The following RNF144B variants were observed in gnomAD, a reference collection of about 807,000 sequenced individuals.
RNF144B encodes the protein ring finger protein 144B, also known as E3 ubiquitin-protein ligase RNF144B.
Under a neutral mutation model 40.2 loss-of-function variants are expected in RNF144B, and 25 were observed. The ratio of observed to expected loss-of-function variants is 0.62; its 90% CI spans 0.45 to 0.87. RNF144B has a LOEUF of 0.87. Among genes scored for constraint, RNF144B ranks in the 40% least tolerant of loss-of-function variants. The pLI, the probability that RNF144B is intolerant of heterozygous loss-of-function variation, is 0.00. For synonymous variants in RNF144B, 145 were observed against 136.3 expected, an observed-to-expected ratio of 1.06 and a Z score of -0.44; for missense variants, 365 against 373.7, an observed-to-expected ratio of 0.98 and a Z score of 0.19.
rs1794675329 is a variant in RNF144B at position 18,395,538 on chromosome 6, T to G, written c.-36-3961T>G. Among the ~76,000 whole-genome samples, 1 of 152,202 alleles carries G rather than the reference T, an allele frequency of 6.6e-6. No individual in the cohort carries two copies. Among genetic ancestry groups the G allele is most frequent in the Non-Finnish European group, 1.5e-5 (1 of 68,036 alleles). On this transcript the variant is annotated intron_variant, in intron 1 of 7. Coordinates refer to ENST00000259939, the MANE Select transcript of RNF144B (RefSeq NM_182757.4). The surrounding 1 kb of genome is among the most constrained non-coding windows in gnomAD (Gnocchi z 4.5). ...TGTTTACTGATTGAAGAGCTCATTTTGCAATGAATCAATGGTGAAAGGATT... is the reference window on the plus strand; with the variant it reads ...TGTTTACTGATTGAAGAGCTCATTTGGCAATGAATCAATGGTGAAAGGATT...
At chr6:18,463,802 C>G (rs1759519761) in intron 7 of RNF144B, among the ~76,000 whole-genome samples, 1 of 152,186 alleles carries the variant, frequency 6.6e-6, no homozygotes, top group Non-Finnish European at 1.5e-5. Context: ...AATGGACTGA[C>G]AATTCCACAT....
chr6:18,397,493 A>C (rs573882075), intron 1 of RNF144B, among the ~76,000 whole-genome samples: 1 of 152,364 alleles, frequency 6.6e-6, no homozygotes, highest in Non-Finnish European at 1.5e-5. Flanking sequence ...TGTGATATAA[A>C]ATATGAATAT....
chr6:18,467,538 C>T lies in RNF144B; in HGVS notation c.*2471C>T, dbSNP rs1759598854. The T allele has an allele frequency of 6.7e-6, 1 of 149,826 alleles. No individual in the cohort carries two copies. Among genetic ancestry groups the T allele is most frequent in the African/African-American group, 2.5e-5 (1 of 40,608 alleles). The allele number at this position is 149,826 out of a possible 1,614,324, so 9.3% of individuals were successfully genotyped here. A position where few individuals can be genotyped will look rare whatever the true frequency, so the allele number is the denominator to read the frequency against. On this transcript the variant is annotated 3_prime_UTR_variant, in exon 8 of 8. Coordinates refer to ENST00000259939, the MANE Select transcript of RNF144B (RefSeq NM_182757.4). ...AATTCTTAAATGTGTGTGAGATTGT[C>T]AGAATCAACAAAACTAGGTTGGTTA...
At position 18,457,660 on chromosome 6, in the gene RNF144B, C is replaced by A. The variant is rs578433; in HGVS notation, c.536+301C>A. 0.96 allele frequency among the ~76,000 whole-genome samples: 146,886 copies of A among 152,238 alleles called. 71,092 individuals are homozygous for A. The highest frequency in any genetic ancestry group is 1 in the East Asian group (5,160 of 5,160). On this transcript the variant is annotated intron_variant, in intron 5 of 7. Coordinates refer to ENST00000259939, the MANE Select transcript of RNF144B (RefSeq NM_182757.4). The surrounding 1 kb of genome is among the most constrained non-coding windows in gnomAD (Gnocchi z 5.1). The stretch of plus-strand genomic sequence containing the variant: ...TCAGTAGGAAATCATGACTTGTTCC[C>A]GCTCTTTGCTCAGATACAGTATCTG...
Position 18,458,557 on chromosome 6 carries a change from C to T in RNF144B, c.537-1050C>T, listed in dbSNP as rs928795226. Reference sequence around the variant, plus strand: ...GTTGCCTACATTTTCGTGGCCATAGCAGGAAGCTCCGTGGGTATCACAGGG... The same window carrying T: ...GTTGCCTACATTTTCGTGGCCATAGTAGGAAGCTCCGTGGGTATCACAGGG... On this transcript the variant is annotated intron_variant, in intron 5 of 7. Transcript: ENST00000259939. This position sits in a 1 kb window ranked among gnomAD's most constrained non-coding sequence, Gnocchi z 4.8. Among the ~76,000 whole-genome samples the T allele has an allele frequency of 6.6e-6, 1 of 152,122 alleles. No homozygotes were observed. The highest frequency in any genetic ancestry group is 1.5e-5 in the Non-Finnish European group (1 of 68,026).
At chr6:18,389,497 G>A (rs997545398) in intron 1 of RNF144B, among the ~76,000 whole-genome samples, 1 of 152,174 alleles carries the variant, frequency 6.6e-6, no homozygotes, top group Non-Finnish European at 1.5e-5. Context: ...CAATATTTTA[G>A]ACGTTTAGAA....
chr6:18,457,091 G>T lies in RNF144B; in HGVS notation c.332-64G>T. 8.2e-7 allele frequency: 1 copy of T among 1,217,120 alleles called. No homozygotes were observed. Among genetic ancestry groups the T allele is most frequent in the Non-Finnish European group, 1.2e-6 (1 of 819,506 alleles). 75.4% of individuals were successfully genotyped at this position (1,217,120 alleles called of 1,614,324 possible). ...AAATTAAATAAATAAGAGGGCAAAT[G>T]AAGGTGAGAAAGACTCAAACATGAA... On this transcript the variant is annotated intron_variant, in intron 4 of 7. Transcript: ENST00000259939. This position sits in a 1 kb window ranked among gnomAD's most constrained non-coding sequence, Gnocchi z 5.1.
In RNF144B at chr6:18,464,718, A is replaced by G. The variant is rs1397292245; in HGVS notation, c.772-209A>G. 6.6e-6 allele frequency among the ~76,000 whole-genome samples: 1 copy of G among 152,186 alleles called. No individual in the cohort carries two copies. The highest frequency in any genetic ancestry group is 2.4e-5 in the African/African-American group (1 of 41,446). On this transcript the variant is annotated intron_variant, in intron 7 of 7. Coordinates refer to ENST00000259939, the MANE Select transcript of RNF144B (RefSeq NM_182757.4). The surrounding 1 kb of genome is among the most constrained non-coding windows in gnomAD (Gnocchi z 6.1). ...GGCATCTGTTCTTGTAAGAGCACCA[A>G]TCCCATCATGAGGGCCCTGCCCTCA... is the stretch of plus-strand genomic sequence containing the variant.
rs202234210 is a variant in RNF144B at position 18,463,421 on chromosome 6, G to A, written c.771+41G>A. ...AGGGAGCGTGACATAAACCAAAATC[G>A]TGATGGCTTAAAGAGCCCACCTCTT... On this transcript the variant is annotated intron_variant, in intron 7 of 7. Coordinates refer to ENST00000259939, the MANE Select transcript of RNF144B (RefSeq NM_182757.4). 58 of 1,198,872 alleles carry A rather than the reference G, an allele frequency of 4.8e-5. No homozygotes were observed. The Middle Eastern group carries it at 9.5e-4, about 20-fold the overall frequency. 74.3% of individuals were successfully genotyped at this position (1,198,872 alleles called of 1,614,324 possible).
At chr6:18,420,270 G>C (rs1044412341) in intron 2 of RNF144B, among the ~76,000 whole-genome samples, 5 of 151,802 alleles carry the variant, frequency 3.3e-5, no homozygotes, top group African/African-American at 1.2e-4. Flanking sequence ...GCACCATATT[G>C]GTGCTTAAAA....
In RNF144B at chr6:18,467,965, T is replaced by G; in HGVS notation, c.*2898T>G. 1 of 152,186 alleles carries G rather than the reference T, an allele frequency of 6.6e-6. No individual in the cohort carries two copies. Among genetic ancestry groups the G allele is most frequent in the East Asian group, 1.9e-4 (1 of 5,182 alleles). The allele number at this position is 152,186 out of a possible 1,614,324, so 9.4% of individuals were successfully genotyped here. A position where few individuals can be genotyped will look rare whatever the true frequency, so the allele number is the denominator to read the frequency against. ...AGCTGACAGTTTTAACTGACAACTT[T>G]GATAACAGAGGCTGCTATTTTTGTT... On this transcript the variant is annotated 3_prime_UTR_variant, in exon 8 of 8. Transcript: ENST00000259939.
At chr6:18,454,059 A>G (rs919139956) in intron 4 of RNF144B, among the ~76,000 whole-genome samples, 1 of 151,920 alleles carries the variant, frequency 6.6e-6, no homozygotes, top group Non-Finnish European at 1.5e-5. Context: ...TTTTTTACCA[A>G]CCTAATAGCA....
Position 18,446,370 on chromosome 6 carries a change from T to C in RNF144B, c.331+6626T>C, listed in dbSNP as rs1759082754. Reference sequence around the variant, plus strand: ...AGGGCATTGTGAAGTGTAGGTGCCATGCTGTGCTCAGATATCTTTTCAGTG... The same window carrying C: ...AGGGCATTGTGAAGTGTAGGTGCCACGCTGTGCTCAGATATCTTTTCAGTG... On this transcript the variant is annotated intron_variant, in intron 4 of 7. Coordinates refer to ENST00000259939, the MANE Select transcript of RNF144B (RefSeq NM_182757.4). This position sits in a 1 kb window ranked among gnomAD's most constrained non-coding sequence, Gnocchi z 4.7. Among the ~76,000 whole-genome samples the C allele has an allele frequency of 1.3e-5, 2 of 152,198 alleles. No individual in the cohort carries two copies. The highest frequency in any genetic ancestry group is 2.9e-5 in the Non-Finnish European group (2 of 68,032).
At chr6:18,435,712 G>C (rs1758801563) in intron 3 of RNF144B, among the ~76,000 whole-genome samples, 1 of 152,090 alleles carries the variant, frequency 6.6e-6, no homozygotes, top group African/African-American at 2.4e-5. Context: ...ATGAGTTCAT[G>C]TCCTTTGTAG....
Position 18,438,702 on chromosome 6 carries a change from C to T in RNF144B, c.271-982C>T, listed in dbSNP as rs140488068. Among the ~76,000 whole-genome samples the T allele has an allele frequency of 2.2e-3, 335 of 152,126 alleles. 2 individuals carry two copies. Among genetic ancestry groups the T allele is most frequent in the African/African-American group, 7.9e-3 (327 of 41,510 alleles). Reference sequence around the variant, plus strand: ...GTTTTCTCAAAGCAGATGTCCTTTCCTTAGTTGCAAGAACGTCAATGTAGG... The same window carrying T: ...GTTTTCTCAAAGCAGATGTCCTTTCTTTAGTTGCAAGAACGTCAATGTAGG... On this transcript the variant is annotated intron_variant, in intron 3 of 7. Transcript: ENST00000259939.
chr6:18,405,029 G>C lies in RNF144B; in HGVS notation c.165+5330G>C, dbSNP rs1794869441. 6.6e-6 allele frequency among the ~76,000 whole-genome samples: 1 copy of C among 152,074 alleles called. No individual in the cohort carries two copies. Among genetic ancestry groups the C allele is most frequent in the Non-Finnish European group, 1.5e-5 (1 of 68,010 alleles). On this transcript the variant is annotated intron_variant, in intron 2 of 7. Coordinates refer to ENST00000259939, the MANE Select transcript of RNF144B (RefSeq NM_182757.4). The surrounding 1 kb of genome is among the most constrained non-coding windows in gnomAD (Gnocchi z 4.5). ...AAAGCTTTCAAATTCTCCAGCTCCA[G>C]ATTCCCACGTCTTCTACTACTATTA...
At chr6:18,415,382 CT>C (rs1427097686) in intron 2 of RNF144B, among the ~76,000 whole-genome samples, 1 of 152,168 alleles carries the variant, frequency 6.6e-6, no homozygotes, top group Non-Finnish European at 1.5e-5. Flanking sequence ...GATGGCGGCT[CT>C]CTGCTTCCAA....
rs927280271 is a variant in RNF144B, at chr6:18,416,794, T to C, written c.166-10787T>C. On this transcript the variant is annotated intron_variant, in intron 2 of 7. Transcript: ENST00000259939. This position sits in a 1 kb window ranked among gnomAD's most constrained non-coding sequence, Gnocchi z 5.5. ...GGGTAGAAAAGAGTGATGAGGGGCA[T>C]AAAAGTATCTTCCCTGATTAGAATG... Among the ~76,000 whole-genome samples the C allele has an allele frequency of 6.6e-6, 1 of 152,134 alleles. No individual in the cohort carries two copies. The highest frequency in any genetic ancestry group is 2.4e-5 in the African/African-American group (1 of 41,430).
chr6:18,417,471 A>G (rs992880618), intron 2 of RNF144B, among the ~76,000 whole-genome samples: 1 of 152,170 alleles, frequency 6.6e-6, no homozygotes, highest in Non-Finnish European at 1.5e-5. Flanking sequence ...AAGACAATTC[A>G]AAGAGGAAAG....
Sources: allele counts gnomAD v4.1 joint callset (sites outside exome capture counted in the v4.1 genomes callset), GRCh38; gene constraint gnomAD v4.1.1; non-coding constraint Gnocchi (gnomAD v3.1); transcripts MANE v1.5; gene names NCBI Gene and HGNC (gene_info 2026-07-23, HGNC 2026-07-21).